The following TTC6 variants were observed in gnomAD, a reference collection of about 807,000 sequenced individuals.
TTC6 encodes tetratricopeptide repeat protein 6.
In TTC6, 172 loss-of-function variants were observed where a neutral mutation model predicts 210.4. The observed-to-expected ratio is 0.82, with a 90% CI of 0.72 to 0.93. TTC6 has a LOEUF of 0.93. Among genes scored for constraint, TTC6 ranks in the 40% least tolerant of loss-of-function variants. The pLI is 0.00. For missense variants in TTC6, 2,414 were observed against 2,318.1 expected, an observed-to-expected ratio of 1.04 and a Z score of -0.85; for synonymous variants, 804 against 819.6, an observed-to-expected ratio of 0.98 and a Z score of 0.32.
chr14:37,784,486 C>T (rs142862968), intron 14 of TTC6, among the ~76,000 whole-genome samples: 5,069 of 152,218 alleles, frequency 0.033, 136 homozygotes, highest in Non-Finnish European at 0.052. Flanking sequence ...GATCTTCCTC[C>T]ATCCCTTTAT....
At chr14:37,652,935 A>G (rs533195468) in intron 1 of TTC6, among the ~76,000 whole-genome samples, 132 of 152,200 alleles carry the variant, frequency 8.7e-4, no homozygotes, top group Non-Finnish European at 1.4e-3. Context: ...TTTTTCCTAT[A>G]CAGTTCATGA....
At chr14:37,748,887 G>A (rs2095943705) in intron 10 of TTC6, 52 bp from the exon 13 acceptor site, 1 of 1,354,092 alleles carries the variant, frequency 7.4e-7, no homozygotes, top group Non-Finnish European at 9.7e-7. Context: ...TTACTGATTA[G>A]AAAGATGATT....
chr14:37,618,250 G>C (rs2095645890), upstream of TTC6, among the ~76,000 whole-genome samples: 1 of 152,312 alleles, frequency 6.6e-6, no homozygotes, highest in Admixed American at 6.5e-5. Flanking sequence ...TTTTTGGCTG[G>C]AGAACTTTCT....
rs1214922499 is a variant in TTC6, at chr14:37,802,744, T to C, written c.4030-1936T>C. 2.6e-5 allele frequency among the ~76,000 whole-genome samples: 4 copies of C among 152,002 alleles called. No individual in the cohort carries two copies. The South Asian group carries it at 8.3e-4, about 32-fold the overall frequency. The stretch of plus-strand genomic sequence containing the variant: ...ATTGACTTTCTTTTTTCTCTTTTTT[T>C]TTTTTTTGAGATGGAGTCTTGCTCA... On this transcript the variant is annotated intron_variant, in intron 20 of 30. Transcript: ENST00000553443.
At chr14:37,749,775 T>C in exon 12 of TTC6, 1 of 1,464,936 alleles carries the variant, frequency 6.8e-7, no homozygotes, top group Non-Finnish European at 9.0e-7. Flanking sequence ...ATTTATCTTT[T>C]CCAAGACAAA....
chr14:37,807,293 C>G, intron 22 of TTC6, 27 bp from the exon 25 acceptor site: 2 of 1,484,688 alleles, frequency 1.3e-6, no homozygotes, highest in Non-Finnish European at 1.8e-6. Context: ...GCATCCATTC[C>G]TGCTTTCTCT....
chr14:37,805,947 G>A (rs1298372635), intron 21 of TTC6, among the ~76,000 whole-genome samples: 1 of 151,988 alleles, frequency 6.6e-6, no homozygotes, highest in Non-Finnish European at 1.5e-5. Flanking sequence ...TGATCCGCCC[G>A]CCTTGGTCTC....
intron 1 of TTC6, among the ~76,000 whole-genome samples, chr14:37,630,776 C>CAT (rs1413761272): frequency 6.6e-6 from 1 of 151,964 alleles, no homozygotes; most frequent in Non-Finnish European, 1.5e-5. Context: ...GTATTGGGTG[C>CAT]ATATATATTT....
chr14:37,803,031 C>T (rs891306732), intron 20 of TTC6, among the ~76,000 whole-genome samples: 3 of 152,134 alleles, frequency 2.0e-5, no homozygotes, highest in African/African-American at 7.2e-5. Flanking sequence ...CTGTGCCCAG[C>T]CTTCATTGAC....
intron 1 of TTC6, among the ~76,000 whole-genome samples, chr14:37,651,208 A>G (rs1196000113): frequency 6.6e-6 from 1 of 151,380 alleles, no homozygotes; most frequent in Non-Finnish European, 1.5e-5. Context: ...CTGTTTTCCC[A>G]TACCCCTCTC....
rs1040302454 is a variant in TTC6, at chr14:37,787,787, T to G, written c.3436+150T>G. The G allele has an allele frequency of 7.3e-6, 4 of 551,630 alleles. No individual in the cohort carries two copies. In the African/African-American group the frequency reaches 7.5e-5, roughly 10 times the overall value. The allele number at this position is 551,630 out of a possible 1,614,324, so 34.2% of individuals were successfully genotyped here. On this transcript the variant is annotated intron_variant, in intron 15 of 30. Coordinates refer to ENST00000553443, the Ensembl canonical transcript of TTC6. Reference sequence around the variant, plus strand: ...ATTATAAGTATATATTACATGAGCTTACGCATTTTAATATTCTTATATAGG... The same window carrying G: ...ATTATAAGTATATATTACATGAGCTGACGCATTTTAATATTCTTATATAGG...
In TTC6 at chr14:37,816,793, C is replaced by T. The variant is rs145230252; in HGVS notation, c.4690-785C>T. Among the ~76,000 whole-genome samples, 314 of 152,136 alleles carry T rather than the reference C, an allele frequency of 2.1e-3. 1 individual carries two copies. The highest frequency in any genetic ancestry group is 6.7e-3 in the African/African-American group (279 of 41,512). ...TTCTTAATTTAAATGTAGCGATGTT[C>T]TTATTTTACTTTAGGCCTCAAATAT... On this transcript the variant is annotated intron_variant, in intron 25 of 30. Coordinates refer to ENST00000553443, the Ensembl canonical transcript of TTC6.
intron 4 of TTC6, among the ~76,000 whole-genome samples, chr14:37,698,539 C>A (rs2095819045): frequency 6.6e-6 from 1 of 152,058 alleles, no homozygotes; most frequent in Non-Finnish European, 1.5e-5. Context: ...CCCAGAGTAC[C>A]TGGGAGTCCT....
chr14:37,721,007 A>G (rs186239908), intron 6 of TTC6, among the ~76,000 whole-genome samples: 22 of 151,872 alleles, frequency 1.4e-4, no homozygotes, highest in Middle Eastern at 3.4e-3. Context: ...TCTTTGTATT[A>G]TTTCTTAAAA....
chr14:37,712,993 T>C (rs2138749568), intron 5 of TTC6, among the ~76,000 whole-genome samples: 1 of 152,188 alleles, frequency 6.6e-6, no homozygotes, highest in East Asian at 1.9e-4. Flanking sequence ...TTTAACTGGC[T>C]GCCTAGGGTG....
chr14:37,734,896 C>T (rs936267405), intron 7 of TTC6, among the ~76,000 whole-genome samples: 27 of 152,098 alleles, frequency 1.8e-4, no homozygotes, highest in African/African-American at 6.3e-4. Flanking sequence ...AGGTTTTTGT[C>T]CTTATTGTTG....
At chr14:37,628,906 C>G (rs1230575591) in intron 1 of TTC6, among the ~76,000 whole-genome samples, 1 of 152,120 alleles carries the variant, frequency 6.6e-6, no homozygotes, top group Non-Finnish European at 1.5e-5. Context: ...TGTCAAAGGT[C>G]AGATGGTTGT....
Position 37,652,830 on chromosome 14 carries a change from C to G in TTC6, c.940-27321C>G, listed in dbSNP as rs778195380. 5.3e-5 allele frequency among the ~76,000 whole-genome samples: 8 copies of G among 152,284 alleles called. No homozygotes were observed. In the South Asian group the frequency reaches 1.7e-3, roughly 32 times the overall value. ...CCCTACCCATGGCACATGCACTTTC[C>G]TAGCTTCCCAACATAGCTAATTATA... On this transcript the variant is annotated intron_variant, in intron 1 of 30. Coordinates refer to ENST00000553443, the Ensembl canonical transcript of TTC6.
At chr14:37,643,291 C>G (rs909653778) in intron 1 of TTC6, among the ~76,000 whole-genome samples, 1 of 152,048 alleles carries the variant, frequency 6.6e-6, no homozygotes, top group Non-Finnish European at 1.5e-5. Flanking sequence ...CTGGGTGACA[C>G]AGTAAGACTG....
Sources: allele counts gnomAD v4.1 joint callset (sites outside exome capture counted in the v4.1 genomes callset), GRCh38; gene constraint gnomAD v4.1.1; transcripts MANE v1.5; gene names NCBI Gene and HGNC (gene_info 2026-07-23, HGNC 2026-07-21).